The following KLRD1 variants were observed in gnomAD, a reference collection of about 807,000 sequenced individuals.
KLRD1 encodes killer cell lectin like receptor D1, also known as natural killer cells antigen CD94.
Under a neutral mutation model 22.6 loss-of-function variants are expected in KLRD1, and 21 were observed. The observed-to-expected ratio is 0.93, with a 90% CI of 0.66 to 1.34. KLRD1 has a LOEUF of 1.34. Ranked by LOEUF, KLRD1 falls within the 40% of genes most tolerant of loss-of-function variation. KLRD1 has a pLI of 0.00. For synonymous variants in KLRD1, 59 were observed against 71.1 expected, an observed-to-expected ratio of 0.83 and a Z score of 0.85; for missense variants, 183 against 208.6, an observed-to-expected ratio of 0.88 and a Z score of 0.76.
At chr12:10,278,596 T>C (rs1949612792) in intron 1 of KLRD1, among the ~76,000 whole-genome samples, 1 of 152,208 alleles carries the variant, frequency 6.6e-6, no homozygotes, top group Non-Finnish European at 1.5e-5. Context: ...GACCTATTGC[T>C]TAACTTGTGT....
intron 1 of KLRD1, among the ~76,000 whole-genome samples, chr12:10,243,672 T>G (rs886335498): frequency 2.1e-5 from 3 of 141,934 alleles, no homozygotes; most frequent in African/African-American, 8.0e-5. Flanking sequence ...AAAATCTGGC[T>G]ATTGATATTT....
In KLRD1 at chr12:10,321,557, T is replaced by C. The variant is rs1196196057; in HGVS notation, c.*6764T>C. 2 of 152,210 alleles carry C rather than the reference T, an allele frequency of 1.3e-5. No homozygotes were observed. The highest frequency in any genetic ancestry group is 2.9e-5 in the Non-Finnish European group (2 of 68,028). 9.4% of individuals were successfully genotyped at this position (152,210 alleles called of 1,614,324 possible). On this transcript the variant is annotated 3_prime_UTR_variant, in exon 6 of 6. Transcript: ENST00000336164. The stretch of plus-strand genomic sequence containing the variant: ...CCTTTTGATATAATCAATTACATTG[T>C]ATAAGGGTTGATCACTGTGACCAAG...
intron 1 of KLRD1, among the ~76,000 whole-genome samples, chr12:10,268,207 T>C (rs1489129060): frequency 2.0e-5 from 3 of 152,206 alleles, no homozygotes; most frequent in Non-Finnish European, 4.4e-5. Flanking sequence ...TGTGGAGAAT[T>C]ACACTGGCTC....
chr12:10,301,988 C>T (rs559644644), upstream of KLRD1, among the ~76,000 whole-genome samples: 12 of 152,240 alleles, frequency 7.9e-5, no homozygotes, highest in East Asian at 1.9e-4. Context: ...AGAACACACA[C>T]GACATTTACT....
chr12:10,256,900 A>G (rs1949401486), intron 1 of KLRD1, among the ~76,000 whole-genome samples: 1 of 151,994 alleles, frequency 6.6e-6, no homozygotes, highest in Non-Finnish European at 1.5e-5. Context: ...AGTGCAATAA[A>G]CTGCCTCAGA....
intron 1 of KLRD1, among the ~76,000 whole-genome samples, chr12:10,242,237 T>C (rs1949248705): frequency 6.6e-6 from 1 of 152,136 alleles, no homozygotes; most frequent in Non-Finnish European, 1.5e-5. Context: ...CAGTGGCATT[T>C]GAATTGTCAA....
In KLRD1 at chr12:10,323,067, T is replaced by C. The variant is rs1388575401; in HGVS notation, c.*8274T>C. Reference sequence around the variant, plus strand: ...CACAATTTGCTTATTTATTCTAATATTGTTCAACATTTGAGTCATTTCCAC... The same window carrying C: ...CACAATTTGCTTATTTATTCTAATACTGTTCAACATTTGAGTCATTTCCAC... On this transcript the variant is annotated 3_prime_UTR_variant, in exon 6 of 6. Coordinates refer to ENST00000336164, the MANE Select transcript of KLRD1 (RefSeq NM_002262.5). 2.0e-5 allele frequency: 3 copies of C among 152,254 alleles called. No individual in the cohort carries two copies. The highest frequency in any genetic ancestry group is 4.4e-5 in the Non-Finnish European group (3 of 68,038). 9.4% of individuals were successfully genotyped at this position (152,254 alleles called of 1,614,324 possible).
At chr12:10,287,576 A>C (rs1183707448) in intron 1 of KLRD1, among the ~76,000 whole-genome samples, 1 of 152,206 alleles carries the variant, frequency 6.6e-6, no homozygotes, top group African/African-American at 2.4e-5. Flanking sequence ...AAACCTATAA[A>C]TAGATATTGT....
intron 5 of KLRD1, among the ~76,000 whole-genome samples, chr12:10,314,407 A>G (rs1158795307): frequency 6.6e-6 from 1 of 152,218 alleles, no homozygotes; most frequent in Non-Finnish European, 1.5e-5. Flanking sequence ...AGAAAAGCAT[A>G]TCACATATTT....
chr12:10,309,283 C>T (rs747351479), intron 1 of KLRD1, 105 bp from the exon 2 acceptor site: 8 of 668,956 alleles, frequency 1.2e-5, no homozygotes, highest in Non-Finnish European at 1.9e-5. Flanking sequence ...ACTCCGTTAT[C>T]AAATGAAAGA....
intron 5 of KLRD1, 29 bp downstream of exon 5, chr12:10,313,542 T>G: frequency 7.4e-7 from 1 of 1,353,106 alleles, no homozygotes. Context: ...TGGCGTTTTT[T>G]GCTCTTTATG....
chr12:10,269,974 C>T (rs1949535165), intron 1 of KLRD1, among the ~76,000 whole-genome samples: 1 of 152,130 alleles, frequency 6.6e-6, no homozygotes, highest in Non-Finnish European at 1.5e-5. Flanking sequence ...TTAAATTGCT[C>T]TTTCAAATGA....
chr12:10,309,095 A>C, intron 1 of KLRD1: 1 of 258,580 alleles, frequency 3.9e-6, no homozygotes, highest in Non-Finnish European at 7.3e-6. Context: ...TTCTACCTCC[A>C]GATCTTTAAG....
intron 1 of KLRD1, chr12:10,309,126 A>C: frequency 3.2e-6 from 1 of 308,658 alleles, no homozygotes; most frequent in Non-Finnish European, 5.9e-6. Context: ...AATTTAAAAT[A>C]AATGGTAAAT....
At chr12:10,239,458 C>T (rs1166077000) in intron 1 of KLRD1, among the ~76,000 whole-genome samples, 507 of 30,546 alleles carry the variant, frequency 0.017, 47 homozygotes, top group African/African-American at 0.047. Context: ...TCCTTCCTTC[C>T]TTCCTTCCTT....
At chr12:10,251,967 CTG>C (rs1240570206) in intron 1 of KLRD1, among the ~76,000 whole-genome samples, 1 of 152,170 alleles carries the variant, frequency 6.6e-6, no homozygotes, top group East Asian at 1.9e-4. Flanking sequence ...CAGTACCGGT[CTG>C]TGGCCTGGGG....
At chr12:10,252,121 T>C (rs143616971) in intron 1 of KLRD1, among the ~76,000 whole-genome samples, 35 of 152,264 alleles carry the variant, frequency 2.3e-4, no homozygotes, top group African/African-American at 8.4e-4. Context: ...AAGTGGATAA[T>C]CTTACTCTTG....
At chr12:10,241,837 TTTAC>T (rs1395024303) in intron 1 of KLRD1, among the ~76,000 whole-genome samples, 1 of 152,154 alleles carries the variant, frequency 6.6e-6, no homozygotes, top group Non-Finnish European at 1.5e-5. Flanking sequence ...TTTTGTACTG[TTTAC>T]TAAAGTACTT....
At chr12:10,311,693 T>G (rs1950075656) in intron 4 of KLRD1, 78 bp downstream of exon 4, 3 of 1,369,074 alleles carry the variant, frequency 2.2e-6, no homozygotes, top group East Asian at 2.4e-5. Flanking sequence ...ATACTTTGGT[T>G]TAAGTCATTA....
Sources: allele counts gnomAD v4.1 joint callset (sites outside exome capture counted in the v4.1 genomes callset), GRCh38; gene constraint gnomAD v4.1.1; transcripts MANE v1.5; gene names NCBI Gene and HGNC (gene_info 2026-07-23, HGNC 2026-07-21).